RANBP2: variants seen among roughly 807,000 people sequenced by gnomAD.
The protein encoded by RANBP2 is RAN binding protein 2, also known as E3 SUMO-protein ligase RanBP2.
Under a neutral mutation model 303.6 loss-of-function variants are expected in RANBP2, and 57 were observed. The observed-to-expected ratio is 0.19, with a 90% CI of 0.15 to 0.23. RANBP2 has a LOEUF of 0.23. Ranked by LOEUF, RANBP2 falls within the 10% of genes least tolerant of loss-of-function variation. The pLI is 1.00. For missense variants in RANBP2, 3,138 were observed against 3,780.8 expected, an observed-to-expected ratio of 0.83 and a Z score of 4.46; for synonymous variants, 1,167 against 1,301.5, an observed-to-expected ratio of 0.90 and a Z score of 2.23.
chr2:109,087,161 G>A, the RANBP2 span, among the ~76,000 whole-genome samples: 2 of 152,146 alleles, frequency 1.3e-5, no homozygotes, highest in Non-Finnish European at 2.9e-5. Context: ...GGAGATGCTC[G>A]GAAGGCTCTG....
At chr2:109,635,661 G>A in the RANBP2 span, among the ~76,000 whole-genome samples, 1 of 152,210 alleles carries the variant, frequency 6.6e-6, no homozygotes, top group East Asian at 1.9e-4. Context: ...GTCTCAGATG[G>A]TCGGTGGGGG....
the RANBP2 span, among the ~76,000 whole-genome samples, chr2:109,029,287 C>G: frequency 6.6e-6 from 1 of 152,176 alleles, no homozygotes. Flanking sequence ...ATGGCCGCAG[C>G]TGCTGGGTTC....
the RANBP2 span, among the ~76,000 whole-genome samples, chr2:109,511,815 G>T: frequency 1.3e-5 from 2 of 152,162 alleles, no homozygotes; most frequent in Non-Finnish European, 2.9e-5. Flanking sequence ...AATAAGGAAT[G>T]GGGGGTGGAC....
the RANBP2 span, among the ~76,000 whole-genome samples, chr2:109,693,322 G>GCCA: frequency 6.6e-6 from 1 of 152,108 alleles, no homozygotes; most frequent in Admixed American, 6.5e-5. Context: ...GCAAGTGTGT[G>GCCA]CCACCATGCC....
At chr2:109,618,557 T>G in the RANBP2 span, 2 of 167,062 alleles carry the variant, frequency 1.2e-5, no homozygotes, top group Non-Finnish European at 2.9e-5. Flanking sequence ...CATGATGTGC[T>G]TTTGTGCAGT....
chr2:108,949,043 C>A, the RANBP2 span, among the ~76,000 whole-genome samples: 2 of 152,208 alleles, frequency 1.3e-5, no homozygotes, highest in African/African-American at 4.8e-5. Flanking sequence ...GTGGTACAAT[C>A]ATGGCTTCAC....
the RANBP2 span, among the ~76,000 whole-genome samples, chr2:109,132,896 A>G: frequency 6.6e-6 from 1 of 152,246 alleles, no homozygotes; most frequent in African/African-American, 2.4e-5. Context: ...AATTCAAAAC[A>G]TGCTTTTTAA....
the RANBP2 span, among the ~76,000 whole-genome samples, chr2:109,426,391 A>G: frequency 1.2e-4 from 18 of 152,360 alleles, no homozygotes; most frequent in East Asian, 2.3e-3. Flanking sequence ...GGTTCTTCCA[A>G]TCCTCATGGA....
chr2:109,002,139 G>A, the RANBP2 span, among the ~76,000 whole-genome samples: 8 of 152,172 alleles, frequency 5.3e-5, no homozygotes, highest in Non-Finnish European at 8.8e-5. Flanking sequence ...CACCCTTGCT[G>A]TCCCCCAACT....
chr2:108,791,151 T>G, the RANBP2 span, among the ~76,000 whole-genome samples: 1 of 152,160 alleles, frequency 6.6e-6, no homozygotes, highest in Admixed American at 6.5e-5. Context: ...ATTTATTTTT[T>G]TAACGTGCTA....
the RANBP2 span, among the ~76,000 whole-genome samples, chr2:109,125,102 G>C: frequency 2.0e-5 from 3 of 152,320 alleles, no homozygotes; most frequent in South Asian, 6.2e-4. Context: ...GTCAAGTCTG[G>C]GGTTGGCCTG....
At chr2:109,519,918 A>C in the RANBP2 span, among the ~76,000 whole-genome samples, 1 of 152,186 alleles carries the variant, frequency 6.6e-6, no homozygotes, top group Non-Finnish European at 1.5e-5. Context: ...GTGGCTGCAA[A>C]AGGGTGGACT....
At chr2:109,549,234 A>G in the RANBP2 span, among the ~76,000 whole-genome samples, 1 of 152,344 alleles carries the variant, frequency 6.6e-6, no homozygotes, top group South Asian at 2.1e-4. Context: ...AAAGTCTGGA[A>G]AGGAAGCAGC....
At chr2:108,823,611 T>C in the RANBP2 span, among the ~76,000 whole-genome samples, 8 of 152,218 alleles carry the variant, frequency 5.3e-5, no homozygotes, top group Admixed American at 5.2e-4. Context: ...TCTTAGGCAG[T>C]TGTAACACAA....
Position 108,771,772 on chromosome 2 carries a change from A to T in RANBP2, c.7921A>T (p.Thr2641Ser). 1 of 1,614,032 alleles carries T rather than the reference A, an allele frequency of 6.2e-7. No homozygotes were observed. Among genetic ancestry groups the T allele is most frequent in the South Asian group, 1.1e-5 (1 of 91,080 alleles). ...DVLIVYELTP[T>S]AEQKALATKL... ...TCTCATTGTATATGAACTAACTCCA[A>T]CCGCTGAGCAGAAAGCCCTTGCAAC... Residue 2641 changes from threonine (T) to serine (S), a missense_variant, in exon 21 of 29, where the codon ACC (threonine) becomes TCC (serine). Transcript: ENST00000283195.
the RANBP2 span, among the ~76,000 whole-genome samples, chr2:108,872,258 T>C: frequency 6.6e-6 from 1 of 152,134 alleles, no homozygotes; most frequent in Non-Finnish European, 1.5e-5. Flanking sequence ...CATCCTGCCA[T>C]TGGTGCCCAA....
chr2:109,564,487 T>A, the RANBP2 span: 1 of 1,573,044 alleles, frequency 6.4e-7, no homozygotes, highest in East Asian at 2.3e-5. Context: ...TTTGTACAAA[T>A]GAGCATTTCC....
chr2:108,719,773 T>A, intron 1 of RANBP2, 95 bp downstream of exon 1: 2 of 1,528,576 alleles, frequency 1.3e-6, no homozygotes, highest in East Asian at 5.0e-5. Context: ...CGCTGCTCCC[T>A]GGCGCGCTCT....
the RANBP2 span, among the ~76,000 whole-genome samples, chr2:109,331,814 C>T: frequency 2.7e-4 from 41 of 152,278 alleles, no homozygotes; most frequent in South Asian, 7.3e-3. Flanking sequence ...TTAAAAGTCT[C>T]GTGTTCAGAT....
Sources: gnomAD v4.1 joint callset for allele counts (sites outside exome capture counted in the v4.1 genomes callset) on GRCh38, gnomAD v4.1.1 for gene constraint, MANE v1.5 for transcripts, NCBI Gene and HGNC (gene_info 2026-07-23, HGNC 2026-07-21) for gene names.